C4orf51: variants seen among roughly 807,000 people sequenced by gnomAD.
C4orf51 encodes uncharacterized protein C4orf51.
C4orf51 carries 25 observed loss-of-function variants against 25.2 expected under a neutral mutation model. That is an observed-to-expected ratio of 0.99 (90% CI 0.72 to 1.39). C4orf51 has a LOEUF of 1.39. Among genes scored for constraint, C4orf51 ranks in the 40% most tolerant of loss-of-function variants. The pLI is 0.00. For synonymous variants in C4orf51, 100 were observed against 84.5 expected (o/e 1.18, Z -1.01); for missense variants, 252 against 239.6 (o/e 1.05, Z -0.34).
chr4:145,727,895 G>GTATATATA (rs35521926), intron 3 of C4orf51, among the ~76,000 whole-genome samples: 144 of 101,588 alleles, frequency 1.4e-3, no homozygotes, highest in Middle Eastern at 4.8e-3. Context: ...AAAAAAATGT[G>GTATATATA]TATATATATA....
intron 2 of C4orf51, among the ~76,000 whole-genome samples, chr4:145,714,435 G>C (rs541493013): frequency 6.6e-6 from 1 of 152,108 alleles, no homozygotes; most frequent in Non-Finnish European, 1.5e-5. Flanking sequence ...ATCCTCACGT[G>C]TTCATTAGAT....
intron 2 of C4orf51, among the ~76,000 whole-genome samples, chr4:145,706,510 G>A (rs1000127175): frequency 3.9e-5 from 6 of 152,156 alleles, no homozygotes; most frequent in Non-Finnish European, 5.9e-5. Flanking sequence ...CAAGGTATGA[G>A]GGCAGTTTTC....
At chr4:145,729,072 CA>C in intron 3 of C4orf51, 96 bp from the exon 4 acceptor site, 1 of 848,040 alleles carries the variant, frequency 1.2e-6, no homozygotes, top group Non-Finnish European at 1.9e-6. Context: ...TTTCTGAATG[CA>C]GGGGTGGGGA....
chr4:145,742,056 T>C (rs1733131719), intron 1 of C4orf51, among the ~76,000 whole-genome samples: 2 of 152,178 alleles, frequency 1.3e-5, no homozygotes, highest in Admixed American at 1.3e-4. Flanking sequence ...ACTTTTCTCT[T>C]TGTTGCCAGC....
At chr4:145,721,078 G>T (rs1238655314) in intron 2 of C4orf51, among the ~76,000 whole-genome samples, 1 of 152,182 alleles carries the variant, frequency 6.6e-6, no homozygotes, top group African/African-American at 2.4e-5. Flanking sequence ...CAGGTGTGGT[G>T]GCTCACACCT....
chr4:145,745,320 A>ATT (rs374600935), intron 1 of C4orf51, among the ~76,000 whole-genome samples: 6 of 135,338 alleles, frequency 4.4e-5, no homozygotes, highest in African/African-American at 2.8e-5. Flanking sequence ...TTATTCATTC[A>ATT]TTTTTTTTTT....
downstream of C4orf51, among the ~76,000 whole-genome samples, chr4:145,755,079 C>G (rs376962459): frequency 4.6e-5 from 7 of 152,332 alleles, no homozygotes; most frequent in East Asian, 9.6e-4. Context: ...AACTGCCTTA[C>G]AAGGATTCTG....
intron 5 of C4orf51, among the ~76,000 whole-genome samples, chr4:145,730,876 G>A (rs867525466): frequency 6.6e-6 from 1 of 152,196 alleles, no homozygotes; most frequent in African/African-American, 2.4e-5. Context: ...GATGACCCAC[G>A]CTGGTTCCCA....
intron 1 of C4orf51, among the ~76,000 whole-genome samples, chr4:145,686,192 T>C (rs1729142387): frequency 1.3e-5 from 2 of 152,178 alleles, no homozygotes; most frequent in African/African-American, 4.8e-5. Context: ...GTGACGTACC[T>C]AGGCTAGGCA....
intron 1 of C4orf51, among the ~76,000 whole-genome samples, chr4:145,694,372 G>T (rs907902211): frequency 6.8e-6 from 1 of 146,828 alleles, no homozygotes; most frequent in Non-Finnish European, 1.5e-5. Flanking sequence ...GGAGGGAGGT[G>T]GGGGGGTCAG....
chr4:145,721,171 C>T lies in C4orf51; in HGVS notation c.308-5740C>T, dbSNP rs575240025. Among the ~76,000 whole-genome samples the T allele has an allele frequency of 3.3e-5, 5 of 151,950 alleles. No homozygotes were observed. In the East Asian group the frequency reaches 7.8e-4, roughly 24 times the overall value. ...ACCAGCCTGGCCAATATGGTGAAAC[C>T]CCGTCTCTACTAAAAATACAAAAAT... On this transcript the variant is annotated intron_variant, in intron 2 of 5. Coordinates refer to ENST00000438731, the MANE Select transcript of C4orf51 (RefSeq NM_001080531.3).
chr4:145,687,697 A>G (rs1729258335), intron 1 of C4orf51, among the ~76,000 whole-genome samples: 1 of 152,222 alleles, frequency 6.6e-6, no homozygotes, highest in South Asian at 2.1e-4. Context: ...TTACAGAAAC[A>G]AACTCTGGAG....
intron 2 of C4orf51, among the ~76,000 whole-genome samples, chr4:145,717,298 C>T (rs1031171795): frequency 1.4e-4 from 22 of 152,084 alleles, no homozygotes; most frequent in African/African-American, 3.6e-4. Context: ...ACTGGGAGGA[C>T]GAAAGGTAGA....
At chr4:145,707,999 A>G (rs1730918472) in intron 2 of C4orf51, among the ~76,000 whole-genome samples, 1 of 152,126 alleles carries the variant, frequency 6.6e-6, no homozygotes, top group South Asian at 2.1e-4. Context: ...CCAGTGGCCG[A>G]CTTTCTGGCA....
chr4:145,765,602 G>C lies in C4orf51; in HGVS notation n.167-5386G>C, dbSNP rs756583284. The C allele has an allele frequency of 6.2e-7, 1 of 1,614,122 alleles. No homozygotes were observed. The highest frequency in any genetic ancestry group is 1.1e-5 in the South Asian group (1 of 91,066). ...AGGGCTGGCTCCCAGGCATGACAGA[G>C]ATGACCAGCAGATTGTTCCCGCCCT... On this transcript the variant is annotated intron_variant and non_coding_transcript_variant, in intron 1 of 1. Coordinates refer to the C4orf51 transcript ENST00000510096. This position sits in a 1 kb window ranked among gnomAD's most constrained non-coding sequence, Gnocchi z 4.7.
chr4:145,753,395 A>T (rs1733787414), intron 1 of C4orf51, among the ~76,000 whole-genome samples: 1 of 151,958 alleles, frequency 6.6e-6, no homozygotes, highest in Non-Finnish European at 1.5e-5. Flanking sequence ...TTATATATAC[A>T]TTCTATGTAT....
At chr4:145,738,261 C>T (rs374034364) in intron 1 of C4orf51, among the ~76,000 whole-genome samples, 1 of 152,106 alleles carries the variant, frequency 6.6e-6, no homozygotes, top group African/African-American at 2.4e-5. Flanking sequence ...ACCAGCCTGA[C>T]CAATATGGTG....
intron 1 of C4orf51, among the ~76,000 whole-genome samples, chr4:145,742,948 A>T (rs1733181252): frequency 6.6e-6 from 1 of 152,214 alleles, no homozygotes; most frequent in African/African-American, 2.4e-5. Context: ...TCATAAAAAT[A>T]TTTGGCAGAT....
At chr4:145,752,876 G>C (rs1195830532) in intron 1 of C4orf51, among the ~76,000 whole-genome samples, 1 of 151,710 alleles carries the variant, frequency 6.6e-6, no homozygotes, top group Non-Finnish European at 1.5e-5. Context: ...AGCATGAGTG[G>C]GCATCTGTTG....
Sources: gnomAD v4.1 joint callset for allele counts (sites outside exome capture counted in the v4.1 genomes callset) on GRCh38, gnomAD v4.1.1 for gene constraint, Gnocchi (gnomAD v3.1) non-coding constraint, MANE v1.5 for transcripts, NCBI Gene and HGNC (gene_info 2026-07-23, HGNC 2026-07-21) for gene names.